Variants in COL9A2 observed in about 807,000 individuals in gnomAD.
COL9A2 encodes the protein collagen type IX alpha 2 chain, also known as collagen alpha-2(IX) chain.
Under a neutral mutation model 111.6 loss-of-function variants are expected in COL9A2, and 66 were observed. The ratio of observed to expected loss-of-function variants is 0.59; its 90% CI spans 0.48 to 0.73. The LOEUF (loss-of-function observed/expected upper bound fraction) is 0.73, where lower values mean the gene tolerates loss of function less well. COL9A2 is among the 30% of genes least tolerant of loss of function. The pLI, the probability that COL9A2 is intolerant of heterozygous loss-of-function variation, is 0.00. For missense variants in COL9A2, 881 were observed against 954.1 expected (o/e 0.92, Z 1.01); for synonymous variants, 353 against 364.1 (o/e 0.97, Z 0.35).
intron 4 of COL9A2, among the ~76,000 whole-genome samples, chr1:40,313,940 G>C (rs978396032): frequency 2.6e-5 from 4 of 152,172 alleles, no homozygotes; most frequent in Non-Finnish European, 4.4e-5. Flanking sequence ...ACTAAGTCCT[G>C]ACTGCTGAGG....
Position 40,302,693 on chromosome 1 carries a change from C to A in COL9A2, c.1720G>T (p.Gly574Trp). ...PGYPGKQGPH[G>W]HPGPRGVPGI... Reference sequence around the variant, plus strand: ...GGAACGCCCCGAGGGCCAGGGTGCCCATGGGGGCCCTGCTTGCCTGGGTAC... The same window carrying A: ...GGAACGCCCCGAGGGCCAGGGTGCCAATGGGGGCCCTGCTTGCCTGGGTAC... Residue 574 changes from glycine to tryptophan, a missense_variant, in exon 30 of 32, where the codon GGG (glycine) becomes TGG (tryptophan). Coordinates refer to ENST00000372748, the MANE Select transcript of COL9A2 (RefSeq NM_001852.4). The surrounding 1 kb of genome is among the most constrained non-coding windows in gnomAD (Gnocchi z 4.5). 6.3e-7 allele frequency: 1 copy of A among 1,592,914 alleles called. No individual in the cohort carries two copies. Among genetic ancestry groups the A allele is most frequent in the East Asian group, 2.3e-5 (1 of 43,508 alleles).
Position 40,303,446 on chromosome 1 carries a change from GA to G in COL9A2, c.1548+83del. 3.2e-6 allele frequency: 5 copies of G among 1,567,912 alleles called. No individual in the cohort carries two copies. The highest frequency in any genetic ancestry group is 4.3e-6 in the Non-Finnish European group (5 of 1,150,520). The stretch of plus-strand genomic sequence containing the variant: ...CTCGGGGAAGTCGGTGAGTCTCTGG[GA>G]ATCCCTAGCCTTTGGCGGGTAAGCC... On this transcript the variant is annotated intron_variant, in intron 28 of 31. Coordinates refer to ENST00000372748, the MANE Select transcript of COL9A2 (RefSeq NM_001852.4). This position sits in a 1 kb window ranked among gnomAD's most constrained non-coding sequence, Gnocchi z 4.6.
rs1483482140 is a variant in COL9A2, at chr1:40,303,043, G to T, written c.1603+88C>A. On this transcript the variant is annotated intron_variant, in intron 29 of 31. Coordinates refer to ENST00000372748, the MANE Select transcript of COL9A2 (RefSeq NM_001852.4). This position sits in a 1 kb window ranked among gnomAD's most constrained non-coding sequence, Gnocchi z 4.6. ...GAGCCCCCAGGACTCCAGATTTTCA[G>T]ACAAGTGAACACGTGGAGGCTCCGG... is the stretch of plus-strand genomic sequence containing the variant. 7 of 1,406,262 alleles carry T rather than the reference G, an allele frequency of 5.0e-6. No individual in the cohort carries two copies. Among genetic ancestry groups the T allele is most frequent in the Non-Finnish European group, 6.9e-6 (7 of 1,014,516 alleles). 87.1% of individuals were successfully genotyped at this position (1,406,262 alleles called of 1,614,324 possible).
In COL9A2 at chr1:40,312,747, C is replaced by T. The variant is rs1442701214; in HGVS notation, c.287G>A (p.Gly96Glu). ...GCCCCTTACCTTGACTCCAGGGATC[C>T]CCATGGGGCCAGGCTCCCCCTTGGC... ...TGAKGEPGPM[G>E]IPGVKGQPGL... is the part of the protein sequence containing the mutation. The change falls in exon 5 of 32, where the codon GGG (glycine) becomes GAG (glutamate). Residue 96 changes from glycine (G) to glutamate (E), a missense_variant. By Grantham distance (98) the Gly-to-Glu change is moderately conservative (BLOSUM62 -2). Transcript: ENST00000372748. The surrounding 1 kb of genome is among the most constrained non-coding windows in gnomAD (Gnocchi z 6.0). 1 of 1,553,362 alleles carries T rather than the reference C, an allele frequency of 6.4e-7. No individual in the cohort carries two copies. The highest frequency in any genetic ancestry group is 1.2e-5 in the South Asian group (1 of 84,350).
Position 40,310,058 on chromosome 1 carries a change from C to A in COL9A2, c.792+53G>T. On this transcript the variant is annotated intron_variant, in intron 15 of 31. Transcript: ENST00000372748. The surrounding 1 kb of genome is among the most constrained non-coding windows in gnomAD (Gnocchi z 4.9). ...AGGGGGAGCCATGCCCACTCTGTGG[C>A]TGTAGCTGTAGGAGCTCCAGCCTCA... 4 of 1,613,848 alleles carry A rather than the reference C, an allele frequency of 2.5e-6. No individual in the cohort carries two copies. The highest frequency in any genetic ancestry group is 3.4e-6 in the Non-Finnish European group (4 of 1,179,726).
In COL9A2 at chr1:40,302,186, C is replaced by T. The variant is rs1489531391; in HGVS notation, c.1793-297G>A. 6.6e-6 allele frequency among the ~76,000 whole-genome samples: 1 copy of T among 152,162 alleles called. No homozygotes were observed. The highest frequency in any genetic ancestry group is 2.4e-5 in the African/African-American group (1 of 41,418). On this transcript the variant is annotated intron_variant, in intron 30 of 31. Transcript: ENST00000372748. The surrounding 1 kb of genome is among the most constrained non-coding windows in gnomAD (Gnocchi z 4.5). ...ACTACTCTAAGGATAGTCCTCACTG[C>T]CACATGATGAGGTTGGTACTTTCAG...
Position 40,303,840 on chromosome 1 carries a change from C to T in COL9A2, c.1369-1G>A. On this transcript the variant is annotated splice_acceptor_variant, in intron 26 of 31. Transcript: ENST00000372748. LOFTEE classifies it high-confidence loss of function. This position sits in a 1 kb window ranked among gnomAD's most constrained non-coding sequence, Gnocchi z 4.6. ...TGGGCCCCGGCTCGCCGGACTCGCC[C>T]TGCAGGCACAAGGAGCAGCGGTCAC... is the stretch of plus-strand genomic sequence containing the variant. 2 of 1,557,694 alleles carry T rather than the reference C, an allele frequency of 1.3e-6. No individual in the cohort carries two copies. The highest frequency in any genetic ancestry group is 1.7e-6 in the Non-Finnish European group (2 of 1,151,572).
At position 40,302,282 on chromosome 1, in the gene COL9A2, T is replaced by A. The variant is rs1643926023; in HGVS notation, c.1792+339A>T. ...CAGGTAACTCGTCTGAGAGCCACGA[T>A]GAGAAAGGGGAGTCTGGATTCACAC... On this transcript the variant is annotated intron_variant, in intron 30 of 31. Coordinates refer to ENST00000372748, the MANE Select transcript of COL9A2 (RefSeq NM_001852.4). This position sits in a 1 kb window ranked among gnomAD's most constrained non-coding sequence, Gnocchi z 4.5. 6.6e-6 allele frequency among the ~76,000 whole-genome samples: 1 copy of A among 152,102 alleles called. No homozygotes were observed. Among genetic ancestry groups the A allele is most frequent in the Admixed American group, 6.5e-5 (1 of 15,278 alleles).
chr1:40,312,250 G>A lies in COL9A2; in HGVS notation c.364-138C>T. 3.0e-6 allele frequency: 3 copies of A among 1,008,118 alleles called. No individual in the cohort carries two copies. The South Asian group carries it at 4.2e-5, about 14-fold the overall frequency. The allele number at this position is 1,008,118 out of a possible 1,614,324, so 62.4% of individuals were successfully genotyped here. On this transcript the variant is annotated intron_variant, in intron 7 of 31. Transcript: ENST00000372748. The surrounding 1 kb of genome is among the most constrained non-coding windows in gnomAD (Gnocchi z 6.0). ...TTTGCCAACCCCAGAGAGACTGACA[G>A]ACTGAGGCTTTAAGGACCAGAGAAT...
Position 40,311,480 on chromosome 1 carries a change from C to T in COL9A2, c.519+20G>A. 1.2e-6 allele frequency: 2 copies of T among 1,613,564 alleles called. No individual in the cohort carries two copies. Among genetic ancestry groups the T allele is most frequent in the Non-Finnish European group, 8.5e-7 (1 of 1,179,830 alleles). Reference sequence around the variant, plus strand: ...GCCCCGCCCCCCTGTGTTAGCCCCGCCCCAGACCTCGTCTCTCACCAGGAA... The same window carrying T: ...GCCCCGCCCCCCTGTGTTAGCCCCGTCCCAGACCTCGTCTCTCACCAGGAA... On this transcript the variant is annotated intron_variant, in intron 10 of 31. Transcript: ENST00000372748. This position sits in a 1 kb window ranked among gnomAD's most constrained non-coding sequence, Gnocchi z 5.1.
rs1644060946 is a variant in COL9A2 at position 40,308,226 on chromosome 1, C to T, written c.866G>A (p.Gly289Glu). ...KGDEGSPGIRGPQGITGPKGA... is the reference protein window; with the variant it reads ...KGDEGSPGIREPQGITGPKGA... The stretch of plus-strand genomic sequence containing the variant: ...TTTCGGGCCTGTGATCCCCTGGGGT[C>T]CACGAATACCTGGGCTGCCCTGCAA... Residue 289 changes from glycine (G) to glutamate (E), a missense_variant, in exon 17 of 32, where the codon GGA becomes GAA. By Grantham distance (98) the Gly-to-Glu change is moderately conservative. Transcript: ENST00000372748. The T allele has an allele frequency of 3.1e-6, 5 of 1,614,120 alleles. No individual in the cohort carries two copies. The highest frequency in any genetic ancestry group is 1.1e-5 in the South Asian group (1 of 91,068).
chr1:40,302,664 G>C lies in COL9A2; in HGVS notation c.1749C>G (p.Gly583=). The C allele has an allele frequency of 6.2e-7, 1 of 1,602,732 alleles. No individual in the cohort carries two copies. Among genetic ancestry groups the C allele is most frequent in the South Asian group, 1.1e-5 (1 of 89,112 alleles). Residue 583 remains glycine, a synonymous_variant, in exon 30 of 32, where the codon GGC becomes GGG. Transcript: ENST00000372748. The surrounding 1 kb of genome is among the most constrained non-coding windows in gnomAD (Gnocchi z 4.5). ...CGATCTGACCCACGGCTCCCACGAT[G>C]CCAGGAACGCCCCGAGGGCCAGGGT... ...HGHPGPRGVP[G]IVGAVGQIGN... is the part of the protein sequence containing the mutation.
Position 40,311,518 on chromosome 1 carries a change from T to C in COL9A2, c.501A>G (p.Glu167=). 6.4e-7 allele frequency: 1 copy of C among 1,558,956 alleles called. No individual in the cohort carries two copies. Among genetic ancestry groups the C allele is most frequent in the Non-Finnish European group, 8.7e-7 (1 of 1,147,048 alleles). Residue 167 remains glutamate (E), a synonymous_variant, in exon 10 of 32, where the codon GAA becomes GAG. Coordinates refer to ENST00000372748, the MANE Select transcript of COL9A2 (RefSeq NM_001852.4). The surrounding 1 kb of genome is among the most constrained non-coding windows in gnomAD (Gnocchi z 5.1). The part of the protein sequence containing the change: ...PGRPGTIQGL[E]GSADFLCPTN... ...CTCTCACCAGGAAATCCGCACTGCCTTCCAGACCCTGGATGGTTCCCGGGC... is the reference window on the plus strand; with the variant it reads ...CTCTCACCAGGAAATCCGCACTGCCCTCCAGACCCTGGATGGTTCCCGGGC...
intron 4 of COL9A2, among the ~76,000 whole-genome samples, chr1:40,313,377 C>T (rs2124098043): frequency 6.6e-6 from 1 of 152,240 alleles, no homozygotes; most frequent in South Asian, 2.1e-4. Context: ...CCATGTTGGC[C>T]AGGCTGGTCT....
chr1:40,308,597 C>A (rs571584874), intron 16 of COL9A2, among the ~76,000 whole-genome samples: 1 of 152,308 alleles, frequency 6.6e-6, no homozygotes, highest in Non-Finnish European at 1.5e-5. Flanking sequence ...GAACAAGAAC[C>A]AGGAAAAGAC....
At chr1:40,305,056 TC>T in intron 21 of COL9A2, 1 of 403,202 alleles carries the variant, frequency 2.5e-6, no homozygotes, top group South Asian at 4.5e-5. Flanking sequence ...ATCATTTCTT[TC>T]TTTCTTTTTT....
intron 19 of COL9A2, 70 bp from the exon 20 acceptor site, chr1:40,306,257 C>G: frequency 6.4e-7 from 1 of 1,557,532 alleles, no homozygotes; most frequent in Non-Finnish European, 8.8e-7. Flanking sequence ...TGCTTTGCTT[C>G]CCATCCCCAA....
intron 20 of COL9A2, 115 bp downstream of exon 20, chr1:40,306,028 C>T: frequency 7.9e-7 from 1 of 1,262,588 alleles, no homozygotes; most frequent in Non-Finnish European, 1.2e-6. Context: ...TGGTTAGGCC[C>T]AAGGGGCTTA....
intron 16 of COL9A2, among the ~76,000 whole-genome samples, chr1:40,308,697 T>C (rs761156969): frequency 1.1e-4 from 16 of 152,222 alleles, no homozygotes; most frequent in Non-Finnish European, 2.2e-4. Flanking sequence ...TGTGATAATG[T>C]GATTATGTGA....
Sources: allele counts gnomAD v4.1 joint callset (sites outside exome capture counted in the v4.1 genomes callset), GRCh38; gene constraint gnomAD v4.1.1; non-coding constraint Gnocchi (gnomAD v3.1); transcripts MANE v1.5; gene names NCBI Gene and HGNC (gene_info 2026-07-23, HGNC 2026-07-21).